The following USH2A variants were observed in gnomAD, a reference collection of about 807,000 sequenced individuals.
USH2A encodes the protein Usher syndrome 2A (autosomal recessive, mild).
Under a neutral mutation model 538.9 loss-of-function variants are expected in USH2A, and 443 were observed. The observed-to-expected ratio is 0.82, with a 90% CI of 0.76 to 0.89. The LOEUF (loss-of-function observed/expected upper bound fraction) is 0.89, where lower values mean the gene tolerates loss of function less well. USH2A is among the 40% of genes least tolerant of loss of function. The pLI is 0.00. For missense variants in USH2A, 6,633 were observed against 6,324.8 expected (o/e 1.05, Z -1.65); for synonymous variants, 2,413 against 2,273.5 (o/e 1.06, Z -1.75).
At chr1:216,041,915 T>A (rs1421726589) in intron 32 of USH2A, among the ~76,000 whole-genome samples, 3 of 152,100 alleles carry the variant, frequency 2.0e-5, no homozygotes, top group Non-Finnish European at 4.4e-5. Context: ...CCTGGAATAA[T>A]GTGACAAACT....
chr1:216,073,208 C>T lies in USH2A; in HGVS notation c.5665G>A (p.Asp1889Asn), dbSNP rs140358697. 1.9e-6 allele frequency: 3 copies of T among 1,613,758 alleles called. No individual in the cohort carries two copies. The highest frequency in any genetic ancestry group is 2.7e-5 in the African/African-American group (2 of 74,900). Residue 1889 changes from aspartate to asparagine, a missense_variant, in exon 28 of 72, where the codon GAT (aspartate) becomes AAT (asparagine). Coordinates refer to ENST00000307340, the MANE Select transcript of USH2A (RefSeq NM_206933.4). ...GCACTGTCAGTTGATAGGCATCCAT[C>T]CAGATTGACTCTGACAGCACCGCTG... ...VSSGAVRVNL[D>N]GCLSTDSAVN... is the part of the protein sequence containing the mutation.
chr1:215,844,562 TGCAG>T, intron 45 of USH2A, 66 bp from the exon 46 acceptor site: 2 of 1,537,176 alleles, frequency 1.3e-6, no homozygotes, highest in Non-Finnish European at 1.8e-6. Context: ...TTAAGCTAAA[TGCAG>T]ATTAGTATTT....
intron 3 of USH2A, among the ~76,000 whole-genome samples, chr1:216,413,793 T>A (rs1418125216): frequency 1.3e-5 from 2 of 152,094 alleles, no homozygotes; most frequent in Admixed American, 6.6e-5. Flanking sequence ...TCCACAGCTG[T>A]AGTATTTCAT....
intron 41 of USH2A, among the ~76,000 whole-genome samples, chr1:215,886,802 G>T (rs1224537628): frequency 6.6e-6 from 1 of 152,128 alleles, no homozygotes; most frequent in Non-Finnish European, 1.5e-5. Flanking sequence ...TTTAATTATT[G>T]TTTATATATG....
chr1:215,768,614 A>T (rs1661196152), intron 55 of USH2A, among the ~76,000 whole-genome samples: 1 of 152,204 alleles, frequency 6.6e-6, no homozygotes, highest in African/African-American at 2.4e-5. Context: ...GCCGTACCCA[A>T]GCCACATATG....
chr1:216,378,225 G>A (rs138681491), intron 3 of USH2A, among the ~76,000 whole-genome samples: 15 of 152,276 alleles, frequency 9.9e-5, no homozygotes, highest in African/African-American at 3.6e-4. Context: ...AGGTAAAGGT[G>A]AGAATGACTA....
intron 32 of USH2A, among the ~76,000 whole-genome samples, chr1:216,041,428 G>T (rs2030268363): frequency 6.6e-6 from 1 of 152,072 alleles, no homozygotes; most frequent in Non-Finnish European, 1.5e-5. Context: ...AGTGGCTTCT[G>T]AATTGAAATG....
intron 36 of USH2A, among the ~76,000 whole-genome samples, chr1:215,967,099 C>A: frequency 6.6e-6 from 1 of 152,266 alleles, no homozygotes; most frequent in South Asian, 2.1e-4. Context: ...GCCTGGGAAC[C>A]TCTCTTGACA....
At chr1:215,901,017 T>C in intron 38 of USH2A, 112 bp from the exon 39 acceptor site, 1 of 1,269,680 alleles carries the variant, frequency 7.9e-7, no homozygotes, top group Non-Finnish European at 1.1e-6. Flanking sequence ...TCAACAACAA[T>C]GTTAAACATG....
At chr1:216,341,923 G>T in intron 4 of USH2A, among the ~76,000 whole-genome samples, 1 of 152,226 alleles carries the variant, frequency 6.6e-6, no homozygotes, top group East Asian at 1.9e-4. Context: ...TACCATTCAG[G>T]ACATAGGCAT....
intron 35 of USH2A, among the ~76,000 whole-genome samples, chr1:215,983,802 C>T (rs2102469003): frequency 6.6e-6 from 1 of 152,330 alleles, no homozygotes; most frequent in African/African-American, 2.4e-5. Context: ...CAACCAGTGA[C>T]AATAAAGCAT....
Position 215,675,075 on chromosome 1 carries a change from T to G in USH2A, c.12836A>C (p.Gln4279Pro), listed in dbSNP as rs765138894. 6.2e-7 allele frequency: 1 copy of G among 1,614,126 alleles called. No individual in the cohort carries two copies. Among genetic ancestry groups the G allele is most frequent in the East Asian group, 2.2e-5 (1 of 44,870 alleles). ...PVISYVSMNP[Q>P]KLLISWIPPE... ...TGGGATCCAGGAAATCAGCAGTTTT[T>G]GGGGATTCATAGAAACATAGGATAT... The change falls in exon 63 of 72, where the codon CAA becomes CCA. Residue 4279 changes from glutamine to proline, a missense_variant. Coordinates refer to ENST00000307340, the MANE Select transcript of USH2A (RefSeq NM_206933.4).
intron 32 of USH2A, among the ~76,000 whole-genome samples, chr1:216,007,242 T>C (rs1250604447): frequency 1.3e-5 from 2 of 152,180 alleles, no homozygotes; most frequent in Non-Finnish European, 2.9e-5. Flanking sequence ...GGTATGTCTT[T>C]ATCAGCAGCA....
intron 23 of USH2A, among the ~76,000 whole-genome samples, chr1:216,087,362 T>C (rs1302435124): frequency 1.3e-5 from 2 of 152,122 alleles, no homozygotes; most frequent in African/African-American, 2.4e-5. Context: ...ATATCTCCCC[T>C]TGGGTGTCTT....
chr1:215,770,859 C>A (rs967895837), intron 55 of USH2A, among the ~76,000 whole-genome samples: 18 of 148,192 alleles, frequency 1.2e-4, no homozygotes, highest in African/African-American at 4.0e-4. Context: ...AGTCCCAGCA[C>A]TTTGGGAGGA....
At chr1:215,637,678 G>C (rs1248052146) in intron 69 of USH2A, among the ~76,000 whole-genome samples, 4 of 151,988 alleles carry the variant, frequency 2.6e-5, no homozygotes, top group African/African-American at 9.7e-5. Context: ...TGTAAAGTTT[G>C]GAAACATAGA....
chr1:216,323,012 C>T (rs1212079547), intron 8 of USH2A, among the ~76,000 whole-genome samples: 2 of 151,912 alleles, frequency 1.3e-5, no homozygotes, highest in Non-Finnish European at 2.9e-5. Context: ...ACAAGTATTA[C>T]CCATGGAACT....
intron 46 of USH2A, among the ~76,000 whole-genome samples, chr1:215,841,189 A>C (rs1663666890): frequency 6.6e-6 from 1 of 152,224 alleles, no homozygotes; most frequent in Non-Finnish European, 1.5e-5. Flanking sequence ...AATTAGAAAA[A>C]ACTACTTTAA....
chr1:216,044,833 G>A (rs1346439340), intron 32 of USH2A, among the ~76,000 whole-genome samples: 2 of 152,082 alleles, frequency 1.3e-5, no homozygotes, highest in Non-Finnish European at 2.9e-5. Flanking sequence ...AAATTGGGGT[G>A]TAAAATAATA....
Sources: gnomAD v4.1 joint callset for allele counts (sites outside exome capture counted in the v4.1 genomes callset) on GRCh38, gnomAD v4.1.1 for gene constraint, MANE v1.5 for transcripts, NCBI Gene and HGNC (gene_info 2026-07-23, HGNC 2026-07-21) for gene names.